The following MAK variants were observed in gnomAD, a reference collection of about 807,000 sequenced individuals.
The protein encoded by MAK is serine/threonine-protein kinase MAK.
Under a neutral mutation model 82.6 loss-of-function variants are expected in MAK, and 65 were observed. The observed-to-expected ratio is 0.79, with a 90% CI of 0.64 to 0.97. The LOEUF (loss-of-function observed/expected upper bound fraction) is 0.97. Among genes scored for constraint, MAK ranks in the 50% least tolerant of loss-of-function variants. The probability of loss-of-function intolerance (pLI) is 0.00; values close to 1 mark genes in which losing one functional copy is unlikely to be tolerated. For missense variants in MAK, 703 were observed against 780.2 expected, an observed-to-expected ratio of 0.90 and a Z score of 1.18; for synonymous variants, 250 against 274.2, an observed-to-expected ratio of 0.91 and a Z score of 0.87.
At chr6:10,818,831 G>C (rs182810308) in intron 3 of MAK, 55 bp downstream of exon 3, 4 of 900,802 alleles carry the variant, frequency 4.4e-6, no homozygotes, top group African/African-American at 3.3e-5. Context: ...TCTTAACTAC[G>C]GTCCTCAGGT....
In MAK at chr6:10,763,473, C is replaced by G. The variant is rs1477719531; in HGVS notation, c.*979G>C. 1.3e-5 allele frequency: 2 copies of G among 149,968 alleles called. No individual in the cohort carries two copies. Among genetic ancestry groups the G allele is most frequent in the Non-Finnish European group, 3.0e-5 (2 of 67,696 alleles). The allele number at this position is 149,968 out of a possible 1,614,324, so 9.3% of individuals were successfully genotyped here. On this transcript the variant is annotated 3_prime_UTR_variant, in exon 15 of 15. Coordinates refer to ENST00000354489, the MANE Select transcript of MAK (RefSeq NM_001242957.3). ...TCATGGGAACTGTACTGGTCAAGATCAAAACACAAGCCGTCCACTAAAATC... is the reference window on the plus strand; with the variant it reads ...TCATGGGAACTGTACTGGTCAAGATGAAAACACAAGCCGTCCACTAAAATC...
rs552689175 is a variant in MAK at position 10,830,772 on chromosome 6, G to A, written c.-124C>T. 275 of 757,230 alleles carry A rather than the reference G, an allele frequency of 3.6e-4. 3 individuals are homozygous for A. The South Asian group carries it at 3.9e-3, about 11-fold the overall frequency. The allele number at this position is 757,230 out of a possible 1,614,324, so 46.9% of individuals were successfully genotyped here. On this transcript the variant is annotated 5_prime_UTR_variant, in exon 2 of 15. Coordinates refer to ENST00000354489, the MANE Select transcript of MAK (RefSeq NM_001242957.3). Reference sequence around the variant, plus strand: ...ACTGTTGTTGCTACACTGGTGACAGGTTTGTCATCATTAAATATAGTCTCT... The same window carrying A: ...ACTGTTGTTGCTACACTGGTGACAGATTTGTCATCATTAAATATAGTCTCT...
chr6:10,773,907 G>A (rs1330559473), intron 12 of MAK, among the ~76,000 whole-genome samples: 4 of 151,896 alleles, frequency 2.6e-5, no homozygotes, highest in Admixed American at 2.6e-4. Flanking sequence ...CACCATGTTG[G>A]TCAGGCGGGT....
intron 8 of MAK, chr6:10,797,629 C>T (rs932817195): frequency 2.0e-6 from 2 of 985,272 alleles, no homozygotes; most frequent in East Asian, 2.3e-4. Flanking sequence ...GGCAAAGTAG[C>T]TGGTCATTTT....
At chr6:10,813,117 TATATATATATATATATAA>T (rs1561987293) in intron 5 of MAK, among the ~76,000 whole-genome samples, 106 of 5,414 alleles carry the variant, frequency 0.02, 22 homozygotes, top group Middle Eastern at 0.033. Context: ...TATATATATA[TATATATATATATATATAA>T]ATTTTTTTTT....
chr6:10,833,424 G>A (rs1029880081), intron 1 of MAK, among the ~76,000 whole-genome samples: 16 of 152,086 alleles, frequency 1.1e-4, no homozygotes, highest in African/African-American at 3.9e-4. Flanking sequence ...GACCAACGTG[G>A]TGAAACTTCA....
chr6:10,795,998 A>G lies in MAK; in HGVS notation c.1143T>C (p.Thr381=). Residue 381 remains threonine, a splice_region_variant and synonymous_variant, in exon 9 of 15, where the codon ACT becomes ACC. Transcript: ENST00000354489. ...LFPSIVKNMP[T]KPNGTLSHKS... Reference sequence around the variant, plus strand: ...GCAAGTGTCATGACTGGCTACTCACAGTTGGCATGTTTTTGACGATGCTCG... The same window carrying G: ...GCAAGTGTCATGACTGGCTACTCACGGTTGGCATGTTTTTGACGATGCTCG... 6.2e-7 allele frequency: 1 copy of G among 1,613,706 alleles called. No individual in the cohort carries two copies.
intron 2 of MAK, among the ~76,000 whole-genome samples, chr6:10,822,628 C>A (rs1778046964): frequency 6.6e-6 from 1 of 152,284 alleles, no homozygotes; most frequent in South Asian, 2.1e-4. Flanking sequence ...CAAAGGTAAA[C>A]CAATTGCTTA....
intron 5 of MAK, among the ~76,000 whole-genome samples, chr6:10,811,026 T>C (rs965498666): frequency 2.6e-5 from 4 of 152,176 alleles, no homozygotes; most frequent in African/African-American, 9.6e-5. Flanking sequence ...TGAGACAGAG[T>C]CTTGCTCTGT....
At chr6:10,771,007 G>C (rs573295870) in intron 13 of MAK, among the ~76,000 whole-genome samples, 73 of 151,734 alleles carry the variant, frequency 4.8e-4, no homozygotes, top group Non-Finnish European at 9.9e-4. Context: ...TCAGGTGACT[G>C]GGGGGTGCGT....
chr6:10,764,303 TAG>T lies in MAK; in HGVS notation c.*147_*148del, dbSNP rs1328212920. On this transcript the variant is annotated 3_prime_UTR_variant, in exon 15 of 15. Transcript: ENST00000354489. ...ATGCATTTCTTGGAAATAAGTAAAA[TAG>T]GGGATGATTTTTGCCCTTCCAAGTA... 2.8e-6 allele frequency: 2 copies of T among 717,524 alleles called. No individual in the cohort carries two copies. The highest frequency in any genetic ancestry group is 2.8e-5 in the Admixed American group (1 of 36,184). 44.4% of individuals were successfully genotyped at this position (717,524 alleles called of 1,614,324 possible).
rs1173582253 is a variant in MAK at position 10,762,729 on chromosome 6, A to G, written c.*1723T>C. On this transcript the variant is annotated 3_prime_UTR_variant, in exon 15 of 15. Coordinates refer to ENST00000354489, the MANE Select transcript of MAK (RefSeq NM_001242957.3). ...CATAATGAAAACACACTAGTTAGCC[A>G]TATTTTTTTTAATGCCTATTCAGAG... 6.5e-6 allele frequency: 1 copy of G among 152,710 alleles called. No individual in the cohort carries two copies. Among genetic ancestry groups the G allele is most frequent in the Non-Finnish European group, 1.5e-5 (1 of 68,032 alleles). 9.5% of individuals were successfully genotyped at this position (152,710 alleles called of 1,614,324 possible).
chr6:10,837,414 C>T lies in MAK; in HGVS notation c.-230+1089G>A, dbSNP rs556779841. 1.6e-3 allele frequency among the ~76,000 whole-genome samples: 249 copies of T among 152,352 alleles called. 2 individuals carry two copies. The highest frequency in any genetic ancestry group is 5.4e-3 in the African/African-American group (226 of 41,586). ...AGTCCACCCCGACGAAGAGATTAAA[C>T]GTCCTGCCCGGTGCCTGCAGTGGAA... On this transcript the variant is annotated intron_variant, in intron 1 of 14. Coordinates refer to ENST00000354489, the MANE Select transcript of MAK (RefSeq NM_001242957.3).
At chr6:10,832,232 G>A (rs371335077) in intron 1 of MAK, among the ~76,000 whole-genome samples, 31 of 152,310 alleles carry the variant, frequency 2.0e-4, no homozygotes, top group African/African-American at 6.5e-4. Flanking sequence ...CGATCCGCCC[G>A]CCTCGGCGGG....
Position 10,764,613 on chromosome 6 carries a change from G to T in MAK, c.1793-7C>A, listed in dbSNP as rs1389402015. 6.2e-7 allele frequency: 1 copy of T among 1,613,448 alleles called. No homozygotes were observed. The highest frequency in any genetic ancestry group is 2.2e-5 in the East Asian group (1 of 44,880). ...TTTGTGTTCCAGGTATATTCTGAAA[G>T]AAATCAGATTTGGAAAACAGGGTTT... is the stretch of plus-strand genomic sequence containing the variant. On this transcript the variant is annotated splice_polypyrimidine_tract_variant and splice_region_variant and intron_variant, in intron 14 of 14. Transcript: ENST00000354489.
At chr6:10,821,777 G>A (rs1022669042) in intron 2 of MAK, among the ~76,000 whole-genome samples, 1 of 151,776 alleles carries the variant, frequency 6.6e-6, no homozygotes, top group African/African-American at 2.4e-5. Flanking sequence ...AGAGGCTGTA[G>A]TGTGCTATAA....
intron 2 of MAK, among the ~76,000 whole-genome samples, chr6:10,828,662 G>A (rs1778552986): frequency 6.6e-6 from 1 of 152,108 alleles, no homozygotes; most frequent in Admixed American, 6.6e-5. Flanking sequence ...ACATGTTGTG[G>A]TACACGCCTA....
chr6:10,798,114 C>CTTTTTTTT, intron 8 of MAK: 3 of 138,476 alleles, frequency 2.2e-5, no homozygotes, highest in African/African-American at 3.0e-5. Context: ...CAACTCTTCC[C>CTTTTTTTT]TTTTTTTTTT....
intron 5 of MAK, 66 bp from the exon 6 acceptor site, chr6:10,809,008 T>C: frequency 7.2e-7 from 1 of 1,379,912 alleles, no homozygotes; most frequent in Non-Finnish European, 1.0e-6. Context: ...TTTATTTGAT[T>C]TATAAACAAA....
Sources: allele counts gnomAD v4.1 joint callset (sites outside exome capture counted in the v4.1 genomes callset), GRCh38; gene constraint gnomAD v4.1.1; transcripts MANE v1.5; gene names NCBI Gene and HGNC (gene_info 2026-07-23, HGNC 2026-07-21).